EPHB1: variants seen among roughly 807,000 people sequenced by gnomAD.
EPHB1 encodes the protein EPH receptor B1.
Under a neutral mutation model 94.4 loss-of-function variants are expected in EPHB1, and 30 were observed. The ratio of observed to expected loss-of-function variants is 0.32; its 90% confidence interval spans 0.24 to 0.43. The LOEUF is 0.43. EPHB1 is among the 20% of genes least tolerant of loss of function. The pLI, the probability that EPHB1 is intolerant of heterozygous loss-of-function variation, is 1.00. For missense variants in EPHB1, 1,055 were observed against 1,308.3 expected (o/e 0.81, Z 2.99); for synonymous variants, 522 against 489.1 (o/e 1.07, Z -0.89).
rs546183051 is a variant in EPHB1, at chr3:135,134,800, G to A, written c.1297+1751G>A. Among the ~76,000 whole-genome samples, 100 of 152,266 alleles carry A rather than the reference G, an allele frequency of 6.6e-4. No homozygotes were observed. In the South Asian group the frequency reaches 0.017, roughly 26 times the overall value. ...CTTTTGGGAATGACAATCCTGCCAGGCTGTCATGTTACACTGGGCTTGGCT... is the reference window on the plus strand; with the variant it reads ...CTTTTGGGAATGACAATCCTGCCAGACTGTCATGTTACACTGGGCTTGGCT... On this transcript the variant is annotated intron_variant, in intron 5 of 15. Coordinates refer to ENST00000398015, the MANE Select transcript of EPHB1 (RefSeq NM_004441.5).
chr3:134,958,413 A>G lies in EPHB1; in HGVS notation c.805+6361A>G, dbSNP rs5852806. Among the ~76,000 whole-genome samples the G allele has an allele frequency of 1.3e-3, 131 of 97,722 alleles. 1 individual carries two copies. The highest frequency in any genetic ancestry group is 9.6e-3 in the Middle Eastern group (1 of 104). The allele number at this position is 97,722 out of a possible 152,430, so 64.1% of individuals were successfully genotyped here. On this transcript the variant is annotated intron_variant, in intron 3 of 15. Coordinates refer to ENST00000398015, the MANE Select transcript of EPHB1 (RefSeq NM_004441.5). Reference sequence around the variant, plus strand: ...AAAGAGAAGGTGAGGAACACAAGGGAGTGTGTGTGTGTGTGTGTGTGTGTG... The same window carrying G: ...AAAGAGAAGGTGAGGAACACAAGGGGGTGTGTGTGTGTGTGTGTGTGTGTG...
intron 12 of EPHB1, among the ~76,000 whole-genome samples, chr3:135,217,706 G>A (rs1943187554): frequency 6.6e-6 from 1 of 152,094 alleles, no homozygotes; most frequent in South Asian, 2.1e-4. Flanking sequence ...GACTGCAACA[G>A]TACTCTGTTT....
intron 3 of EPHB1, among the ~76,000 whole-genome samples, chr3:135,035,504 GT>G (rs1457973286): frequency 6.6e-6 from 1 of 152,220 alleles, no homozygotes; most frequent in African/African-American, 2.4e-5. Flanking sequence ...TAATTAAGGA[GT>G]CTTTTATACT....
chr3:135,027,803 C>A (rs1049517924), intron 3 of EPHB1, among the ~76,000 whole-genome samples: 7 of 127,788 alleles, frequency 5.5e-5, no homozygotes, highest in African/African-American at 1.8e-4. Context: ...GGAATGGTAC[C>A]AGTTCCTCCT....
At chr3:135,250,513 T>TTCTC (rs1377487935) in intron 15 of EPHB1, among the ~76,000 whole-genome samples, 17 of 152,252 alleles carry the variant, frequency 1.1e-4, no homozygotes, top group African/African-American at 3.1e-4. Context: ...TGATGCCTGG[T>TTCTC]TCTCACTCCC....
intron 11 of EPHB1, among the ~76,000 whole-genome samples, chr3:135,197,990 C>T (rs1321133847): frequency 6.6e-6 from 1 of 152,138 alleles, no homozygotes; most frequent in Non-Finnish European, 1.5e-5. Context: ...GCAGACATGA[C>T]CCTACATATC....
At chr3:135,132,599 G>T (rs757820587) in intron 4 of EPHB1, 115 bp from the exon 5 acceptor site, 76 of 851,516 alleles carry the variant, frequency 8.9e-5, no homozygotes, top group East Asian at 3.0e-4. Context: ...GGTTGAGGAA[G>T]GAGTGGGAGG....
At chr3:135,140,923 A>T (rs576328475) in intron 5 of EPHB1, among the ~76,000 whole-genome samples, 1 of 152,354 alleles carries the variant, frequency 6.6e-6, no homozygotes, top group East Asian at 1.9e-4. Context: ...GAAAATTAAC[A>T]TCTTCTCTGA....
intron 5 of EPHB1, among the ~76,000 whole-genome samples, chr3:135,146,921 A>G (rs181214084): frequency 5.5e-4 from 84 of 152,308 alleles, no homozygotes; most frequent in Admixed American, 1.2e-3. Context: ...GATCTGGTTG[A>G]AAGGAGCAAG....
intron 3 of EPHB1, among the ~76,000 whole-genome samples, chr3:134,988,386 T>A (rs988326716): frequency 6.6e-6 from 1 of 152,256 alleles, no homozygotes; most frequent in Admixed American, 6.5e-5. Context: ...CAACTTCATG[T>A]GTGCAGTCAC....
intron 12 of EPHB1, among the ~76,000 whole-genome samples, chr3:135,213,180 C>A (rs555466119): frequency 2.0e-5 from 3 of 152,134 alleles, no homozygotes; most frequent in Non-Finnish European, 2.9e-5. Flanking sequence ...TGTTTTAGAT[C>A]GCTATTTCTA....
intron 2 of EPHB1, among the ~76,000 whole-genome samples, chr3:134,948,308 G>A (rs1194908163): frequency 2.1e-5 from 3 of 144,770 alleles, no homozygotes; most frequent in Admixed American, 7.0e-5. Flanking sequence ...AGACTGTTGT[G>A]TTTCAACAAT....
rs56401137 is a variant in EPHB1, at chr3:135,132,763, C to T, written c.1011C>T (p.Ser337=). Residue 337 remains serine, a synonymous_variant, in exon 5 of 16, where the codon TCC becomes TCT. Transcript: ENST00000398015. Reference sequence around the variant, plus strand: ...TTATCTCCATCGTCAATGAGACGTCCATCATTCTGGAGTGGCACCCTCCAA... The same window carrying T: ...TTATCTCCATCGTCAATGAGACGTCTATCATTCTGGAGTGGCACCCTCCAA... ...RNVISIVNET[S]IILEWHPPRE... is the part of the protein sequence containing the mutation. 13,311 of 1,610,664 alleles carry T rather than the reference C, an allele frequency of 8.3e-3. 819 individuals are homozygous for T. In the African/African-American group the frequency reaches 0.14, roughly 17 times the overall value.
At chr3:134,891,979 T>C (rs2037993411) in intron 1 of EPHB1, among the ~76,000 whole-genome samples, 1 of 152,266 alleles carries the variant, frequency 6.6e-6, no homozygotes, top group African/African-American at 2.4e-5. Flanking sequence ...ATTCTCTCTT[T>C]AGCCAGGCTT....
chr3:134,818,080 A>G (rs2036303712), intron 1 of EPHB1, among the ~76,000 whole-genome samples: 1 of 152,134 alleles, frequency 6.6e-6, no homozygotes, highest in Non-Finnish European at 1.5e-5. Context: ...CCATGTGGAG[A>G]GGAAAGATGT....
At chr3:134,801,921 GGGAGGCCT>G (rs1475344382) in intron 1 of EPHB1, among the ~76,000 whole-genome samples, 10 of 152,220 alleles carry the variant, frequency 6.6e-5, no homozygotes, top group Non-Finnish European at 1.5e-4. Flanking sequence ...ACACTTTCCA[GGGAGGCCT>G]GGAGGGCAGT....
At chr3:134,809,479 C>T (rs934928458) in intron 1 of EPHB1, among the ~76,000 whole-genome samples, 1 of 152,120 alleles carries the variant, frequency 6.6e-6, no homozygotes, top group Non-Finnish European at 1.5e-5. Flanking sequence ...ACTCACCTGA[C>T]TAACTTGTTC....
At chr3:135,088,400 C>G (rs771819778) in intron 3 of EPHB1, among the ~76,000 whole-genome samples, 1 of 151,998 alleles carries the variant, frequency 6.6e-6, no homozygotes, top group Non-Finnish European at 1.5e-5. Context: ...ATAGTTTCAT[C>G]GAAAAGAAAT....
At chr3:134,984,716 C>A (rs1934532965) in intron 3 of EPHB1, among the ~76,000 whole-genome samples, 1 of 152,164 alleles carries the variant, frequency 6.6e-6, no homozygotes, top group African/African-American at 2.4e-5. Flanking sequence ...TGCACTGAGC[C>A]ATCCTTGCCA....
Sources: allele counts gnomAD v4.1 joint callset (sites outside exome capture counted in the v4.1 genomes callset), GRCh38; gene constraint gnomAD v4.1.1; transcripts MANE v1.5; gene names NCBI Gene and HGNC (gene_info 2026-07-23, HGNC 2026-07-21).